TMEM248: variants seen among roughly 807,000 people sequenced by gnomAD.
TMEM248 encodes UPF0458 protein C7orf42.
A neutral mutation model predicts 30.3 loss-of-function variants in TMEM248; 9 were observed. The ratio of observed to expected loss-of-function variants is 0.30; its 90% CI spans 0.18 to 0.52. The LOEUF (loss-of-function observed/expected upper bound fraction) is 0.52. TMEM248 is among the 20% of genes least tolerant of loss of function. The pLI is 0.97. For missense variants in TMEM248, 338 were observed against 403.3 expected (o/e 0.84, Z 1.39); for synonymous variants, 184 against 154.4 (o/e 1.19, Z -1.42).
At chr7:66,953,522 AC>A (rs1183839157) in intron 6 of TMEM248, among the ~76,000 whole-genome samples, 153 bp downstream of exon 6, 2 of 152,154 alleles carry the variant, frequency 1.3e-5, no homozygotes, top group Non-Finnish European at 2.9e-5. Context: ...TGGTTCCAGG[AC>A]CCTGGTGGAT....
chr7:66,928,761 T>C (rs558283914), intron 1 of TMEM248, among the ~76,000 whole-genome samples: 1 of 151,860 alleles, frequency 6.6e-6, no homozygotes, highest in Non-Finnish European at 1.5e-5. Flanking sequence ...TTGATGGGAT[T>C]GACTCTTAAA....
At chr7:66,941,140 T>C (rs1223854542) in intron 1 of TMEM248, among the ~76,000 whole-genome samples, 1 of 151,740 alleles carries the variant, frequency 6.6e-6, no homozygotes, top group East Asian at 1.9e-4. Context: ...CCCAGCACTT[T>C]GGGGGGCCAA....
chr7:66,924,653 C>G (rs1487189943), intron 1 of TMEM248, among the ~76,000 whole-genome samples: 2 of 152,064 alleles, frequency 1.3e-5, no homozygotes, highest in East Asian at 3.9e-4. Flanking sequence ...GGTCCGCCCA[C>G]TGCGGCCTCC....
At chr7:66,924,656 C>T (rs547390539) in intron 1 of TMEM248, among the ~76,000 whole-genome samples, 45 of 152,052 alleles carry the variant, frequency 3.0e-4, no homozygotes, top group Non-Finnish European at 1.6e-4. Flanking sequence ...CCGCCCACTG[C>T]GGCCTCCCAA....
At chr7:66,930,105 A>G (rs1042413128) in intron 1 of TMEM248, among the ~76,000 whole-genome samples, 1 of 152,192 alleles carries the variant, frequency 6.6e-6, no homozygotes, top group South Asian at 2.1e-4. Context: ...GGCGGCTGCC[A>G]TGCTCATACC....
At chr7:66,944,827 G>A in intron 2 of TMEM248, 149 bp from the exon 3 acceptor site, 1 of 768,032 alleles carries the variant, frequency 1.3e-6, no homozygotes, top group Non-Finnish European at 2.1e-6. Context: ...GAAGAGGGTG[G>A]TGGCCGAGTT....
chr7:66,950,339 G>A (rs1263543701), intron 4 of TMEM248, among the ~76,000 whole-genome samples: 3 of 152,174 alleles, frequency 2.0e-5, no homozygotes, highest in African/African-American at 7.2e-5. Flanking sequence ...GAATCCTGGA[G>A]ATTGTTACCC....
chr7:66,921,489 G>GGTCGGGCCCA (rs1791383606), intron 1 of TMEM248, 28 bp downstream of exon 1: 1 of 151,364 alleles, frequency 6.6e-6, no homozygotes, highest in Non-Finnish European at 1.5e-5. Context: ...GGCGGGCTGG[G>GGTCGGGCCCA]GTCGGGCCCA....
chr7:66,954,668 G>C (rs1405365655), intron 6 of TMEM248, among the ~76,000 whole-genome samples: 3 of 152,086 alleles, frequency 2.0e-5, no homozygotes, highest in Admixed American at 2.0e-4. Flanking sequence ...AAGATTACAG[G>C]TGATTACAGG....
At chr7:66,933,512 G>T (rs1791721039) in intron 1 of TMEM248, among the ~76,000 whole-genome samples, 1 of 152,190 alleles carries the variant, frequency 6.6e-6, no homozygotes, top group East Asian at 1.9e-4. Context: ...CTTAGAAGTA[G>T]AATGTTGGAG....
intron 1 of TMEM248, among the ~76,000 whole-genome samples, chr7:66,937,909 T>G (rs1486226641): frequency 3.3e-5 from 5 of 152,026 alleles, no homozygotes; most frequent in Admixed American, 3.3e-4. Context: ...TCAGGGTTTC[T>G]CTACTAAAGA....
At chr7:66,925,937 G>A (rs965914694) in intron 1 of TMEM248, among the ~76,000 whole-genome samples, 4 of 151,876 alleles carry the variant, frequency 2.6e-5, no homozygotes, top group East Asian at 1.9e-4. Context: ...CACCACGCCC[G>A]GCCTATTTTT....
intron 1 of TMEM248, among the ~76,000 whole-genome samples, chr7:66,936,013 G>T (rs62466575): frequency 0.037 from 5,595 of 152,292 alleles, 164 homozygotes; most frequent in East Asian, 0.087. Flanking sequence ...TGCAAACAAG[G>T]ATAATTTATT....
rs1320699115 is a variant in TMEM248, at chr7:66,956,898, C to A, written c.*1376C>A. 2 of 151,856 alleles carry A rather than the reference C, an allele frequency of 1.3e-5. No homozygotes were observed. Among genetic ancestry groups the A allele is most frequent in the East Asian group, 3.9e-4 (2 of 5,190 alleles). 9.4% of individuals were successfully genotyped at this position (151,856 alleles called of 1,614,324 possible). A position where few individuals can be genotyped will look rare whatever the true frequency, so the allele number is the denominator to read the frequency against. On this transcript the variant is annotated 3_prime_UTR_variant, in exon 7 of 7. Transcript: ENST00000341567. ...CTCTGTTGCCCAGGCTGGTCTGGAACTCCTAGCTTCAAATGATCCTCTCAC... is the reference window on the plus strand; with the variant it reads ...CTCTGTTGCCCAGGCTGGTCTGGAAATCCTAGCTTCAAATGATCCTCTCAC...
At chr7:66,951,461 G>A (rs375922549) in intron 5 of TMEM248, 10 of 207,294 alleles carry the variant, frequency 4.8e-5, no homozygotes, top group East Asian at 4.2e-4. Context: ...GTTCACAGAC[G>A]TTCATAGAAG....
chr7:66,945,069 C>T lies in TMEM248; in HGVS notation c.253C>T (p.Pro85Ser). 1 of 1,614,220 alleles carries T rather than the reference C, an allele frequency of 6.2e-7. No homozygotes were observed. Among genetic ancestry groups the T allele is most frequent in the Non-Finnish European group, 8.5e-7 (1 of 1,180,048 alleles). The change falls in exon 3 of 7, where the codon CCG becomes TCG. Residue 85 changes from proline (P) to serine (S), a missense_variant. By Grantham distance (74) the Pro-to-Ser change is moderately conservative. Coordinates refer to ENST00000341567, the MANE Select transcript of TMEM248 (RefSeq NM_017994.5). ...LKHLTNDTTT[P>S]ESTMTSGQAR... ...GCATCTCACAAACGACACCACAACT[C>T]CGGAAAGTACAATGACCAGCGGGCA...
chr7:66,927,581 TA>T lies in TMEM248; in HGVS notation c.-19+6121del, dbSNP rs1244858162. On this transcript the variant is annotated intron_variant, in intron 1 of 6. Transcript: ENST00000341567. ...TTGCCCTCCCAATTAGCTGGGACTA[TA>T]GGTGAAACCATGCCCAGCTAATTTT... 1.7e-4 allele frequency among the ~76,000 whole-genome samples: 26 copies of T among 151,680 alleles called. No homozygotes were observed. The South Asian group carries it at 5.4e-3, about 32-fold the overall frequency.
chr7:66,933,112 G>A (rs549923963), intron 1 of TMEM248, among the ~76,000 whole-genome samples: 2 of 151,822 alleles, frequency 1.3e-5, no homozygotes, highest in Admixed American at 1.3e-4. Context: ...CGCCTGCTTC[G>A]ACCTCCCAAA....
rs572623090 is a variant in TMEM248, at chr7:66,956,702, G to C, written c.*1180G>C. On this transcript the variant is annotated 3_prime_UTR_variant, in exon 7 of 7. Coordinates refer to ENST00000341567, the MANE Select transcript of TMEM248 (RefSeq NM_017994.5). Reference sequence around the variant, plus strand: ...TTTTTCTTTTTCTTTTTTTTTGGAGGGGGGAGGCAGGGTCTTGCTCTGTCC... The same window carrying C: ...TTTTTCTTTTTCTTTTTTTTTGGAGCGGGGAGGCAGGGTCTTGCTCTGTCC... 2.3e-4 allele frequency: 35 copies of C among 151,636 alleles called. 1 individual carries two copies. The highest frequency in any genetic ancestry group is 8.0e-4 in the African/African-American group (33 of 41,146). 9.4% of individuals were successfully genotyped at this position (151,636 alleles called of 1,614,324 possible). A position where few individuals can be genotyped will look rare whatever the true frequency, so the allele number is the denominator to read the frequency against.
Sources: gnomAD v4.1 joint callset for allele counts (sites outside exome capture counted in the v4.1 genomes callset) on GRCh38, gnomAD v4.1.1 for gene constraint, MANE v1.5 for transcripts, NCBI Gene and HGNC (gene_info 2026-07-23, HGNC 2026-07-21) for gene names.